Variants in TP63 observed in about 807,000 individuals in gnomAD.
TP63 encodes the protein tumor protein 63.
A neutral mutation model predicts 82.8 loss-of-function variants in TP63; 17 were observed. That is an observed-to-expected ratio of 0.21 (90% confidence interval 0.14 to 0.31). The LOEUF (loss-of-function observed/expected upper bound fraction) is 0.31, where lower values mean the gene tolerates loss of function less well. Among genes scored for constraint, TP63 ranks in the 10% least tolerant of loss-of-function variants. The pLI is 1.00. For synonymous variants in TP63, 330 were observed against 321.7 expected (o/e 1.03, Z -0.28); for missense variants, 648 against 895.3 (o/e 0.72, Z 3.52).
chr3:189,857,854 G>A (rs1016182642), intron 4 of TP63, among the ~76,000 whole-genome samples: 5 of 152,328 alleles, frequency 3.3e-5, no homozygotes, highest in Middle Eastern at 3.4e-3. Context: ...AGGATGTGGA[G>A]AGAAGAGAAC....
At chr3:189,700,184 T>C (rs1717695089) in intron 1 of TP63, among the ~76,000 whole-genome samples, 1 of 152,120 alleles carries the variant, frequency 6.6e-6, no homozygotes, top group South Asian at 2.1e-4. Context: ...CTAAAGATGA[T>C]CATTTTGATT....
At chr3:189,739,483 C>T (rs1318748804) in intron 3 of TP63, among the ~76,000 whole-genome samples, 1 of 152,172 alleles carries the variant, frequency 6.6e-6, no homozygotes, top group East Asian at 1.9e-4. Context: ...ACTTCTCTAT[C>T]CTTCTTTAAT....
chr3:189,732,070 A>G (rs189683755), intron 1 of TP63, among the ~76,000 whole-genome samples: 27 of 152,340 alleles, frequency 1.8e-4, no homozygotes, highest in Admixed American at 1.5e-3. Flanking sequence ...CACTTTCTTT[A>G]ACTGGACTTT....
At chr3:189,813,325 C>T (rs1239497441) in intron 4 of TP63, among the ~76,000 whole-genome samples, 1 of 152,134 alleles carries the variant, frequency 6.6e-6, no homozygotes, top group African/African-American at 2.4e-5. Flanking sequence ...ATTCTCTGTA[C>T]TGATAAGGAA....
At chr3:189,729,202 G>T (rs1340937964) in intron 1 of TP63, among the ~76,000 whole-genome samples, 1 of 152,164 alleles carries the variant, frequency 6.6e-6, no homozygotes, top group Non-Finnish European at 1.5e-5. Flanking sequence ...CTTTAAGGAA[G>T]AAATTGGTTA....
chr3:189,644,003 C>T (rs1294618282), intron 1 of TP63, among the ~76,000 whole-genome samples: 1 of 152,170 alleles, frequency 6.6e-6, no homozygotes, highest in Non-Finnish European at 1.5e-5. Flanking sequence ...TGTGGCATCT[C>T]ATCTGCCAGT....
intron 1 of TP63, among the ~76,000 whole-genome samples, chr3:189,682,532 A>AGG (rs762483663): frequency 3.5e-4 from 20 of 57,458 alleles, no homozygotes; most frequent in African/African-American, 7.6e-4. Flanking sequence ...CTTGGTCCTA[A>AGG]GGGGAAAAAA....
At chr3:189,831,853 G>C (rs564121314) in intron 4 of TP63, among the ~76,000 whole-genome samples, 1 of 112,372 alleles carries the variant, frequency 8.9e-6, no homozygotes, top group Non-Finnish European at 1.7e-5. Flanking sequence ...TTTTTGAGAC[G>C]GAGTCTCACT....
chr3:189,598,101 G>A, the TP63 span, among the ~76,000 whole-genome samples: 1 of 152,074 alleles, frequency 6.6e-6, no homozygotes, highest in African/African-American at 2.4e-5. Context: ...TAACAGACTA[G>A]TGAACTGAAT....
chr3:189,774,068 A>G lies in TP63; in HGVS notation c.325-34204A>G, dbSNP rs1351707939. The stretch of plus-strand genomic sequence containing the variant: ...CTCCTGAGTAGCTGGGACTACAGGT[A>G]TCCACCACCACGCCCAGCTAATTTT... On this transcript the variant is annotated intron_variant, in intron 3 of 13. Transcript: ENST00000264731. 7.2e-5 allele frequency among the ~76,000 whole-genome samples: 11 copies of G among 151,800 alleles called. No homozygotes were observed. In the South Asian group the frequency reaches 8.3e-4, roughly 11 times the overall value.
chr3:189,734,319 C>A (rs1255799469), intron 1 of TP63, among the ~76,000 whole-genome samples: 1 of 151,888 alleles, frequency 6.6e-6, no homozygotes, highest in Non-Finnish European at 1.5e-5. Context: ...TTACAGGCAC[C>A]GGCCGCCAAG....
intron 3 of TP63, among the ~76,000 whole-genome samples, chr3:189,799,171 A>G (rs1228428787): frequency 6.6e-6 from 1 of 152,106 alleles, no homozygotes; most frequent in Admixed American, 6.6e-5. Flanking sequence ...GCATAAATTT[A>G]TATCATTTGC....
chr3:189,862,064 G>C (rs1717110646), intron 4 of TP63, among the ~76,000 whole-genome samples: 1 of 152,152 alleles, frequency 6.6e-6, no homozygotes, highest in Non-Finnish European at 1.5e-5. Context: ...TCATTTATCA[G>C]TTAGTGTGAA....
At chr3:189,814,240 T>G (rs1203060639) in intron 4 of TP63, among the ~76,000 whole-genome samples, 4 of 152,354 alleles carry the variant, frequency 2.6e-5, no homozygotes, top group East Asian at 1.9e-4. Flanking sequence ...CTCTGGAATT[T>G]AGAGACTCTT....
At chr3:189,811,331 G>C (rs1356192442) in intron 4 of TP63, among the ~76,000 whole-genome samples, 2 of 152,074 alleles carry the variant, frequency 1.3e-5, no homozygotes, top group Non-Finnish European at 2.9e-5. Context: ...GAGTGTCCTT[G>C]GTTAAGTGAT....
intron 4 of TP63, among the ~76,000 whole-genome samples, chr3:189,855,326 T>C: frequency 6.6e-6 from 1 of 152,146 alleles, no homozygotes. Flanking sequence ...AACAAAATTC[T>C]ACAAGAAACT....
intron 4 of TP63, among the ~76,000 whole-genome samples, chr3:189,844,810 T>C (rs1490196580): frequency 6.6e-6 from 1 of 152,170 alleles, no homozygotes. Context: ...TTAGAATTAA[T>C]TTTTCAAACC....
chr3:189,742,461 G>A (rs1169516383), intron 3 of TP63, among the ~76,000 whole-genome samples: 1 of 151,050 alleles, frequency 6.6e-6, no homozygotes, highest in East Asian at 1.9e-4. Context: ...AACCTGTATT[G>A]GATTTTTCCC....
the TP63 span, among the ~76,000 whole-genome samples, chr3:189,608,001 A>G: frequency 6.6e-6 from 1 of 152,164 alleles, no homozygotes; most frequent in Non-Finnish European, 1.5e-5. Flanking sequence ...AAACAGAGCA[A>G]AGGGTTCTTA....
Sources: gnomAD v4.1 joint callset for allele counts (sites outside exome capture counted in the v4.1 genomes callset) on GRCh38, gnomAD v4.1.1 for gene constraint, MANE v1.5 for transcripts, NCBI Gene and HGNC (gene_info 2026-07-23, HGNC 2026-07-21) for gene names.